The following ZFPM2 variants were observed in gnomAD, a reference collection of about 807,000 sequenced individuals.
The protein encoded by ZFPM2 is zinc finger protein, FOG family member 2, also known as zinc finger protein ZFPM2.
Under a neutral mutation model 98.6 loss-of-function variants are expected in ZFPM2, and 20 were observed. The observed-to-expected ratio is 0.20, with a 90% CI of 0.14 to 0.29. ZFPM2 has a LOEUF of 0.29. ZFPM2 is among the 10% of genes least tolerant of loss of function. The pLI is 1.00. For synonymous variants in ZFPM2, 518 were observed against 502.7 expected (o/e 1.03, Z -0.41); for missense variants, 1,310 against 1,388.6 (o/e 0.94, Z 0.90).
chr8:105,532,896 G>T (rs975211895), intron 3 of ZFPM2, among the ~76,000 whole-genome samples: 1 of 152,112 alleles, frequency 6.6e-6, no homozygotes, highest in Admixed American at 6.6e-5. Context: ...AGCAAAGGCT[G>T]TAGCTGAAAA....
At position 105,398,844 on chromosome 8, in the gene ZFPM2, C is replaced by T. The variant is rs185856340; in HGVS notation, c.41-20300C>T. Among the ~76,000 whole-genome samples the T allele has an allele frequency of 9.9e-5, 15 of 152,020 alleles. 1 individual carries two copies. In the East Asian group the frequency reaches 2.5e-3, roughly 26 times the overall value. On this transcript the variant is annotated intron_variant, in intron 1 of 7. Transcript: ENST00000407775. The stretch of plus-strand genomic sequence containing the variant: ...GTGGCACCACTTTGTGTAAGATAAC[C>T]GATTTATTTGGAGCCATCACAATAA...
At chr8:105,494,027 C>T (rs1813408538) in intron 3 of ZFPM2, among the ~76,000 whole-genome samples, 1 of 151,230 alleles carries the variant, frequency 6.6e-6, no homozygotes, top group African/African-American at 2.4e-5. Context: ...CCCTTGAAGC[C>T]TCCTTAATGT....
At chr8:105,660,630 T>C (rs1817370539) in intron 5 of ZFPM2, among the ~76,000 whole-genome samples, 1 of 152,198 alleles carries the variant, frequency 6.6e-6, no homozygotes. Context: ...CACATACATA[T>C]ATGTACAGAC....
intron 3 of ZFPM2, among the ~76,000 whole-genome samples, chr8:105,510,783 G>C (rs1813802133): frequency 6.6e-6 from 1 of 152,172 alleles, no homozygotes; most frequent in Non-Finnish European, 1.5e-5. Context: ...GTGGACTCAG[G>C]CACTAGGGTG....
At chr8:105,790,844 C>A (rs1189905729) in intron 6 of ZFPM2, among the ~76,000 whole-genome samples, 2 of 152,078 alleles carry the variant, frequency 1.3e-5, no homozygotes, top group African/African-American at 4.8e-5. Flanking sequence ...GTATTTTATT[C>A]TCTTTGAAGC....
At chr8:105,369,787 A>G (rs2129807175) in intron 1 of ZFPM2, among the ~76,000 whole-genome samples, 1 of 152,218 alleles carries the variant, frequency 6.6e-6, no homozygotes. Flanking sequence ...GACCTATACT[A>G]TGTAGTTTAT....
At chr8:105,626,338 C>A (rs1403304095) in intron 4 of ZFPM2, among the ~76,000 whole-genome samples, 1 of 152,118 alleles carries the variant, frequency 6.6e-6, no homozygotes, top group Non-Finnish European at 1.5e-5. Context: ...TTTTCAAATT[C>A]AATTCACTGT....
intron 5 of ZFPM2, among the ~76,000 whole-genome samples, chr8:105,740,517 G>A (rs939574574): frequency 9.5e-5 from 14 of 147,256 alleles, no homozygotes; most frequent in African/African-American, 3.2e-4. Context: ...TAACATGTAT[G>A]TGTGTGTATG....
At chr8:105,584,218 A>C (rs1356930715) in intron 4 of ZFPM2, among the ~76,000 whole-genome samples, 1 of 152,186 alleles carries the variant, frequency 6.6e-6, no homozygotes, top group Non-Finnish European at 1.5e-5. Context: ...AATTGTAGTA[A>C]TTAAATGTTT....
intron 3 of ZFPM2, among the ~76,000 whole-genome samples, chr8:105,464,787 T>G (rs932254015): frequency 1.3e-5 from 2 of 152,060 alleles, no homozygotes; most frequent in Non-Finnish European, 2.9e-5. Flanking sequence ...TTGGTCAGTC[T>G]GGGCAAACAA....
intron 3 of ZFPM2, among the ~76,000 whole-genome samples, chr8:105,547,334 G>A (rs1015703826): frequency 1.3e-5 from 2 of 151,946 alleles, no homozygotes; most frequent in African/African-American, 4.8e-5. Context: ...CCTGAGGTCA[G>A]GAGTTTGAGA....
rs574995233 is a variant in ZFPM2 at position 105,559,546 on chromosome 8, G to A, written c.302-1817G>A. On this transcript the variant is annotated intron_variant, in intron 3 of 7. Coordinates refer to ENST00000407775, the MANE Select transcript of ZFPM2 (RefSeq NM_012082.4). ...AATTTTTGATTGGGAACATGAAATT[G>A]TTATGAACATTGCATCTTTATTGCT... Among the ~76,000 whole-genome samples the A allele has an allele frequency of 1.3e-4, 20 of 152,250 alleles. No individual in the cohort carries two copies. The South Asian group carries it at 4.1e-3, about 32-fold the overall frequency.
At chr8:105,730,044 T>C (rs1300377189) in intron 5 of ZFPM2, among the ~76,000 whole-genome samples, 3 of 151,584 alleles carry the variant, frequency 2.0e-5, no homozygotes, top group Non-Finnish European at 4.4e-5. Context: ...CTTATTTAAT[T>C]TAAAATATTA....
intron 2 of ZFPM2, among the ~76,000 whole-genome samples, chr8:105,442,531 A>T (rs1403722181): frequency 2.6e-5 from 4 of 152,168 alleles, no homozygotes; most frequent in African/African-American, 4.8e-5. Context: ...TATGGAGGGA[A>T]TTTCATTGGT....
At chr8:105,742,839 C>T (rs1271388705) in intron 5 of ZFPM2, among the ~76,000 whole-genome samples, 1 of 152,056 alleles carries the variant, frequency 6.6e-6, no homozygotes, top group Non-Finnish European at 1.5e-5. Flanking sequence ...GAGCCAAGAT[C>T]GTGCCATTGC....
At chr8:105,742,157 C>G (rs560824785) in intron 5 of ZFPM2, among the ~76,000 whole-genome samples, 1 of 151,826 alleles carries the variant, frequency 6.6e-6, no homozygotes, top group African/African-American at 2.4e-5. Context: ...CAAGGAGGAT[C>G]CACTTGAAGT....
chr8:105,801,652 G>C lies in ZFPM2; in HGVS notation c.1570G>C (p.Val524Leu). 1 of 1,613,560 alleles carries C rather than the reference G, an allele frequency of 6.2e-7. No homozygotes were observed. Among genetic ancestry groups the C allele is most frequent in the Non-Finnish European group, 8.5e-7 (1 of 1,179,850 alleles). ...GATCTTAGCTAAGATGTCTGAACTG[G>C]TGCATCGGCGACTGAGGCATGGCAG... ...SEILAKMSELVHRRLRHGSSS... is the reference protein window; with the variant it reads ...SEILAKMSELLHRRLRHGSSS... Residue 524 changes from valine (V) to leucine (L), a missense_variant, in exon 8 of 8, where the codon GTG becomes CTG. Coordinates refer to ENST00000407775, the MANE Select transcript of ZFPM2 (RefSeq NM_012082.4).
chr8:105,339,900 G>A (rs375164517), intron 1 of ZFPM2, among the ~76,000 whole-genome samples: 2 of 151,806 alleles, frequency 1.3e-5, no homozygotes, highest in South Asian at 2.1e-4. Context: ...CTTTGTTTTC[G>A]TTAGTGCGAG....
At chr8:105,762,248 A>G (rs988321114) in intron 5 of ZFPM2, among the ~76,000 whole-genome samples, 4 of 151,972 alleles carry the variant, frequency 2.6e-5, no homozygotes, top group African/African-American at 9.7e-5. Flanking sequence ...TATTAGTTCC[A>G]AGATGGTGCA....
Sources: gnomAD v4.1 joint callset for allele counts (sites outside exome capture counted in the v4.1 genomes callset) on GRCh38, gnomAD v4.1.1 for gene constraint, MANE v1.5 for transcripts, NCBI Gene and HGNC (gene_info 2026-07-23, HGNC 2026-07-21) for gene names.